Variants in CRACDL observed in about 807,000 individuals in gnomAD.
The protein encoded by CRACDL is CRACD like.
Under a neutral mutation model 70.6 loss-of-function variants are expected in CRACDL, and 26 were observed. The observed-to-expected ratio is 0.37, with a 90% confidence interval of 0.27 to 0.51. CRACDL has a LOEUF of 0.51. Ranked by LOEUF, CRACDL falls within the 20% of genes least tolerant of loss-of-function variation. The pLI is 0.94. For missense variants in CRACDL, 1,283 were observed against 1,376.9 expected (o/e 0.93, Z 1.08); for synonymous variants, 618 against 615.2 (o/e 1.00, Z -0.07).
chr2:98,855,325 A>T (rs1706654034), intron 1 of CRACDL, among the ~76,000 whole-genome samples: 1 of 152,108 alleles, frequency 6.6e-6, no homozygotes. Flanking sequence ...GGAAGTACAT[A>T]TGTGATTTTC....
At chr2:98,927,697 A>G (rs557275404) in intron 1 of CRACDL, among the ~76,000 whole-genome samples, 1 of 152,200 alleles carries the variant, frequency 6.6e-6, no homozygotes, top group Non-Finnish European at 1.5e-5. Context: ...AAGGATGTCT[A>G]TTGTCATGTT....
rs78747015 is a variant in CRACDL at position 98,872,312 on chromosome 2, C to T, written c.-10-25502G>A. On this transcript the variant is annotated intron_variant, in intron 1 of 9. Coordinates refer to ENST00000397899, the MANE Select transcript of CRACDL (RefSeq NM_207362.3). Reference sequence around the variant, plus strand: ...GGAGGAGGTTGCAGTGAGCTGAGATCGCACCACTGCACTCCAGTCTGGGTG... The same window carrying T: ...GGAGGAGGTTGCAGTGAGCTGAGATTGCACCACTGCACTCCAGTCTGGGTG... Among the ~76,000 whole-genome samples, 149 of 152,236 alleles carry T rather than the reference C, an allele frequency of 9.8e-4. 2 individuals are homozygous for T. The East Asian group carries it at 0.027, about 27-fold the overall frequency.
chr2:98,806,550 C>G (rs1414936062), intron 7 of CRACDL, among the ~76,000 whole-genome samples: 1 of 152,202 alleles, frequency 6.6e-6, no homozygotes, highest in Non-Finnish European at 1.5e-5. Flanking sequence ...AGTGGAGGAG[C>G]TGGACTGAAA....
At chr2:98,826,823 A>G in intron 6 of CRACDL, 152 bp downstream of exon 6, 1 of 574,186 alleles carries the variant, frequency 1.7e-6, no homozygotes, top group South Asian at 2.2e-5. Context: ...AAGATGAGCA[A>G]CTTCAGCTCC....
intron 7 of CRACDL, among the ~76,000 whole-genome samples, chr2:98,798,677 G>GCTTTTCTTTT (rs546974021): frequency 2.0e-5 from 3 of 151,296 alleles, no homozygotes; most frequent in Non-Finnish European, 4.4e-5. Context: ...TAAATAAGTG[G>GCTTTTCTTTT]CTTTTCTTTT....
intron 1 of CRACDL, among the ~76,000 whole-genome samples, chr2:98,933,335 G>C (rs974334419): frequency 6.6e-6 from 1 of 152,168 alleles, no homozygotes; most frequent in African/African-American, 2.4e-5. Flanking sequence ...GACTTGTAGC[G>C]AAAAGGGGTC....
At chr2:98,862,148 A>G (rs1454527328) in intron 1 of CRACDL, among the ~76,000 whole-genome samples, 1 of 152,170 alleles carries the variant, frequency 6.6e-6, no homozygotes, top group Non-Finnish European at 1.5e-5. Context: ...ATAAGGGGAG[A>G]TTAGAAAGTC....
Position 98,822,564 on chromosome 2 carries a change from C to T in CRACDL, c.1709G>A (p.Gly570Asp), listed in dbSNP as rs962357462. ...KAERGGAELR[G>D]AKKFSVSSCR... The stretch of plus-strand genomic sequence containing the variant: ...CGAGGACACCGAGAACTTCTTCGCG[C>T]CTCGCAGCTCGGCACCGCCCCTCTC... Residue 570 changes from glycine (G) to aspartate (D), a missense_variant, in exon 7 of 10, where the codon GGC (glycine) becomes GAC (aspartate). By Grantham distance (94) the Gly-to-Asp change is moderately conservative (BLOSUM62 -1). Around this residue, in one of 2 missense-constraint regions of CRACDL, gnomAD observed 921 missense variants for 881.9 expected, o/e 1.04. Transcript: ENST00000397899. This position sits in a 1 kb window ranked among gnomAD's most constrained non-coding sequence, Gnocchi z 4.9. 1.4e-6 allele frequency: 2 copies of T among 1,463,248 alleles called. No homozygotes were observed. The highest frequency in any genetic ancestry group is 1.5e-5 in the African/African-American group (1 of 67,704). 90.6% of individuals were successfully genotyped at this position (1,463,248 alleles called of 1,614,324 possible).
At chr2:98,832,019 G>A (rs888766177) in intron 5 of CRACDL, among the ~76,000 whole-genome samples, 4 of 152,110 alleles carry the variant, frequency 2.6e-5, no homozygotes, top group Admixed American at 2.0e-4. Context: ...CAGATACAAC[G>A]TGTTTCCCTA....
At chr2:98,884,352 C>G (rs1270754619) in intron 1 of CRACDL, among the ~76,000 whole-genome samples, 1 of 152,218 alleles carries the variant, frequency 6.6e-6, no homozygotes, top group Non-Finnish European at 1.5e-5. Context: ...AAGTACCTAT[C>G]ACACTCTCTG....
At chr2:98,907,572 C>T (rs911365704) in intron 1 of CRACDL, among the ~76,000 whole-genome samples, 4 of 152,206 alleles carry the variant, frequency 2.6e-5, no homozygotes, top group Non-Finnish European at 5.9e-5. Context: ...ACTCTGATCT[C>T]GGTTTCTTGT....
chr2:98,871,856 G>T (rs1707357104), intron 1 of CRACDL, among the ~76,000 whole-genome samples: 1 of 152,124 alleles, frequency 6.6e-6, no homozygotes, highest in African/African-American at 2.4e-5. Flanking sequence ...ACATTGCAAT[G>T]GGGGGAAAAT....
chr2:98,861,766 G>A (rs1022750034), intron 1 of CRACDL, among the ~76,000 whole-genome samples: 1 of 152,130 alleles, frequency 6.6e-6, no homozygotes, highest in African/African-American at 2.4e-5. Context: ...GAAGGACTGG[G>A]GGGTACATTG....
At position 98,936,205 on chromosome 2, in the gene CRACDL, C is replaced by G. The variant is rs1402274218; in HGVS notation, c.-278G>C. On this transcript the variant is annotated 5_prime_UTR_variant, in exon 1 of 10. Transcript: ENST00000397899. ...TCCCAGCTCCCAGCTGCAGGCGCGC[C>G]GGCTTCGCTCGGCTCCGCTCGGCTC... 2.7e-5 allele frequency: 4 copies of G among 150,346 alleles called. No homozygotes were observed. Among genetic ancestry groups the G allele is most frequent in the Admixed American group, 2.0e-4 (3 of 15,096 alleles). 9.3% of individuals were successfully genotyped at this position (150,346 alleles called of 1,614,324 possible). A position where few individuals can be genotyped will look rare whatever the true frequency, so the allele number is the denominator to read the frequency against.
At chr2:98,856,423 G>T (rs1706698826) in intron 1 of CRACDL, among the ~76,000 whole-genome samples, 1 of 152,082 alleles carries the variant, frequency 6.6e-6, no homozygotes, top group African/African-American at 2.4e-5. Context: ...AAACTGAGAT[G>T]ATTTCTTGCT....
intron 7 of CRACDL, among the ~76,000 whole-genome samples, chr2:98,804,252 G>A (rs531039925): frequency 5.3e-5 from 8 of 152,236 alleles, no homozygotes; most frequent in African/African-American, 1.9e-4. Flanking sequence ...GACAGGAGAC[G>A]GTGCTGTGTC....
At chr2:98,854,187 G>A (rs143106712) in intron 1 of CRACDL, among the ~76,000 whole-genome samples, 2,711 of 150,060 alleles carry the variant, frequency 0.018, 89 homozygotes, top group African/African-American at 0.062. Context: ...AGGCTGAGGC[G>A]GGAGAAGTGC....
At chr2:98,887,309 G>T (rs571006423) in intron 1 of CRACDL, among the ~76,000 whole-genome samples, 4 of 152,068 alleles carry the variant, frequency 2.6e-5, no homozygotes, top group Non-Finnish European at 5.9e-5. Flanking sequence ...ACATAGCAAG[G>T]TCCTATCTCT....
intron 1 of CRACDL, among the ~76,000 whole-genome samples, chr2:98,852,595 T>C (rs984293621): frequency 2.6e-5 from 4 of 151,718 alleles, no homozygotes; most frequent in East Asian, 1.9e-4. Flanking sequence ...CCATAATATA[T>C]AAAAAGATAA....
Sources: allele counts gnomAD v4.1 joint callset (sites outside exome capture counted in the v4.1 genomes callset), GRCh38; gene constraint gnomAD v4.1.1; regional missense constraint gnomAD v4.1.1; non-coding constraint Gnocchi (gnomAD v3.1); transcripts MANE v1.5; gene names NCBI Gene and HGNC (gene_info 2026-07-23, HGNC 2026-07-21).